CSMD1: variants seen among roughly 807,000 people sequenced by gnomAD.
CSMD1 encodes the protein CUB and Sushi multiple domains 1, also known as CUB and sushi domain-containing protein 1.
CSMD1 carries 213 observed loss-of-function variants against 417.5 expected under a neutral mutation model. The observed-to-expected ratio is 0.51, with a 90% CI of 0.46 to 0.57. CSMD1 has a LOEUF of 0.57. Among genes scored for constraint, CSMD1 ranks in the 20% least tolerant of loss-of-function variants. The pLI, the probability that CSMD1 is intolerant of heterozygous loss-of-function variation, is 0.00. For missense variants in CSMD1, 6,923 were observed against 4,529.7 expected, an observed-to-expected ratio of 1.53 and a Z score of -15.17; for synonymous variants, 2,862 against 1,736.8, an observed-to-expected ratio of 1.65 and a Z score of -16.11.
chr8:4,854,849 C>T (rs575495603), intron 1 of CSMD1, among the ~76,000 whole-genome samples: 3 of 152,330 alleles, frequency 2.0e-5, no homozygotes, highest in African/African-American at 7.2e-5. Flanking sequence ...GGGCGCCCGC[C>T]ATTGCCCAGG....
At chr8:4,520,107 G>T (rs1031749166) in intron 2 of CSMD1, among the ~76,000 whole-genome samples, 10 of 152,168 alleles carry the variant, frequency 6.6e-5, no homozygotes, top group African/African-American at 2.4e-4. Flanking sequence ...TGATGTTCTG[G>T]TTTTTATTTA....
chr8:4,788,119 T>G, intron 1 of CSMD1: 2 of 1,603,670 alleles, frequency 1.2e-6, no homozygotes, highest in Non-Finnish European at 1.7e-6. Flanking sequence ...AGGGTTGTAG[T>G]GTTGATGGGC....
intron 17 of CSMD1, among the ~76,000 whole-genome samples, chr8:3,393,291 G>C (rs530640067): frequency 1.3e-5 from 2 of 152,280 alleles, no homozygotes; most frequent in East Asian, 3.9e-4. Context: ...TCACTCACTA[G>C]GTGAGGCCTC....
intron 7 of CSMD1, among the ~76,000 whole-genome samples, chr8:3,700,982 G>T (rs1002442202): frequency 6.6e-6 from 1 of 151,486 alleles, no homozygotes; most frequent in African/African-American, 2.4e-5. Flanking sequence ...TGATACAGGT[G>T]AGGGGCGACG....
chr8:4,025,410 C>G (rs1373543559), intron 4 of CSMD1, among the ~76,000 whole-genome samples: 2 of 152,158 alleles, frequency 1.3e-5, no homozygotes, highest in African/African-American at 4.8e-5. Context: ...CTATCCTAGG[C>G]TGTACCATTA....
intron 7 of CSMD1, among the ~76,000 whole-genome samples, chr8:3,635,895 T>A (rs1198581809): frequency 1.3e-5 from 2 of 151,982 alleles, no homozygotes; most frequent in Non-Finnish European, 2.9e-5. Flanking sequence ...TTTTCTTCAG[T>A]AATAAATTAG....
At chr8:3,058,222 T>C (rs1046004401) in intron 49 of CSMD1, among the ~76,000 whole-genome samples, 1 of 152,236 alleles carries the variant, frequency 6.6e-6, no homozygotes, top group Non-Finnish European at 1.5e-5. Flanking sequence ...CAAAGTTATA[T>C]ATAACTGCAC....
intron 2 of CSMD1, among the ~76,000 whole-genome samples, chr8:4,580,154 G>C (rs1026066178): frequency 5.3e-5 from 8 of 152,160 alleles, no homozygotes; most frequent in Non-Finnish European, 1.2e-4. Flanking sequence ...GACTGTACCA[G>C]GCACTGCTTT....
chr8:4,576,222 G>A (rs1024061806), intron 2 of CSMD1, among the ~76,000 whole-genome samples: 1 of 152,198 alleles, frequency 6.6e-6, no homozygotes, highest in Non-Finnish European at 1.5e-5. Context: ...TCCCCACCTC[G>A]TCTTCTGAAT....
At chr8:3,488,233 G>A (rs1335650232) in intron 11 of CSMD1, among the ~76,000 whole-genome samples, 1 of 151,986 alleles carries the variant, frequency 6.6e-6, no homozygotes, top group Non-Finnish European at 1.5e-5. Context: ...CTCCTGAGTA[G>A]CTGGGACTGC....
At chr8:3,363,255 A>G (rs1173358270) in intron 20 of CSMD1, among the ~76,000 whole-genome samples, 2 of 152,186 alleles carry the variant, frequency 1.3e-5, no homozygotes, top group Non-Finnish European at 2.9e-5. Flanking sequence ...CCTCTGTCCC[A>G]GGTACTCATG....
chr8:4,499,775 G>C (rs893733903), intron 2 of CSMD1, among the ~76,000 whole-genome samples: 2 of 152,220 alleles, frequency 1.3e-5, no homozygotes, highest in African/African-American at 2.4e-5. Flanking sequence ...AAGGTGAAGA[G>C]AGGGAAGGAA....
intron 2 of CSMD1, among the ~76,000 whole-genome samples, chr8:4,462,732 G>C (rs962452377): frequency 6.6e-6 from 1 of 152,094 alleles, no homozygotes; most frequent in African/African-American, 2.4e-5. Context: ...AAACAATCAA[G>C]AAAAAAATAG....
At chr8:4,597,091 C>T (rs1483743072) in intron 2 of CSMD1, among the ~76,000 whole-genome samples, 1 of 139,492 alleles carries the variant, frequency 7.2e-6, no homozygotes, top group Non-Finnish European at 1.6e-5. Flanking sequence ...AGCATGAAAA[C>T]AGACTAATAC....
intron 7 of CSMD1, among the ~76,000 whole-genome samples, chr8:3,679,466 A>G (rs1799541777): frequency 6.6e-6 from 1 of 152,230 alleles, no homozygotes; most frequent in South Asian, 2.1e-4. Context: ...AAAGGGATCA[A>G]TTCAACAAGA....
rs369716649 is a variant in CSMD1, at chr8:3,616,699, G to C, written c.1097+11C>G. On this transcript the variant is annotated intron_variant, in intron 8 of 69. Coordinates refer to ENST00000635120, the MANE Select transcript of CSMD1 (RefSeq NM_033225.6). ...TAACATGCTTTTTTCCACCACTATT[G>C]TATCTCTTACCTGAAGTCGGAACCT... 2.6e-6 allele frequency: 4 copies of C among 1,550,176 alleles called. No homozygotes were observed. In the Admixed American group the frequency reaches 6.7e-5, roughly 26 times the overall value.
intron 1 of CSMD1, among the ~76,000 whole-genome samples, chr8:4,890,390 G>A (rs1387338603): frequency 1.3e-5 from 2 of 152,100 alleles, no homozygotes; most frequent in Non-Finnish European, 1.5e-5. Context: ...TCACAGCCAT[G>A]GGCATCCTGG....
intron 1 of CSMD1, among the ~76,000 whole-genome samples, chr8:4,928,716 A>G (rs1324281094): frequency 1.3e-5 from 2 of 152,156 alleles, no homozygotes; most frequent in Non-Finnish European, 2.9e-5. Context: ...CTGAAATAAT[A>G]ATCCCCAGTG....
At chr8:4,423,255 G>A (rs1022482330) in intron 2 of CSMD1, among the ~76,000 whole-genome samples, 16 of 151,952 alleles carry the variant, frequency 1.1e-4, no homozygotes, top group African/African-American at 3.6e-4. Context: ...GGGTCAGATA[G>A]GAATAAATAA....
Sources: allele counts gnomAD v4.1 joint callset (sites outside exome capture counted in the v4.1 genomes callset), GRCh38; gene constraint gnomAD v4.1.1; transcripts MANE v1.5; gene names NCBI Gene and HGNC (gene_info 2026-07-23, HGNC 2026-07-21).